CNGA4: variants seen among roughly 807,000 people sequenced by gnomAD.
CNGA4 encodes cyclic nucleotide gated channel subunit alpha 4.
Under a neutral mutation model 45.6 loss-of-function variants are expected in CNGA4, and 32 were observed. The ratio of observed to expected loss-of-function variants is 0.70; its 90% CI spans 0.53 to 0.94. The LOEUF (loss-of-function observed/expected upper bound fraction) is 0.94, where lower values mean the gene tolerates loss of function less well. Ranked by LOEUF, CNGA4 falls within the 40% of genes least tolerant of loss-of-function variation. The pLI, the probability that CNGA4 is intolerant of heterozygous loss-of-function variation, is 0.00. For synonymous variants in CNGA4, 293 were observed against 304.6 expected (o/e 0.96, Z 0.40); for missense variants, 726 against 755.1 (o/e 0.96, Z 0.45).
chr11:6,240,032 G>A lies in CNGA4; in HGVS notation c.272-34G>A, dbSNP rs1306048411. 1 of 1,574,316 alleles carries A rather than the reference G, an allele frequency of 6.4e-7. No homozygotes were observed. The highest frequency in any genetic ancestry group is 8.6e-7 in the Non-Finnish European group (1 of 1,159,792). ...CATGCTCAGCCCAAGCTTGACTACA[G>A]CAGGTCCGCTTCCTACCGGCTCCCT... On this transcript the variant is annotated intron_variant, in intron 3 of 5. Transcript: ENST00000379936. The surrounding 1 kb of genome is among the most constrained non-coding windows in gnomAD (Gnocchi z 4.9).
At chr11:6,239,917 C>A in intron 3 of CNGA4, 127 bp downstream of exon 3, 2 of 1,337,342 alleles carry the variant, frequency 1.5e-6, no homozygotes, top group East Asian at 2.4e-5. Flanking sequence ...CTGACAGCAT[C>A]CCAGTGCTCA....
intron 5 of CNGA4, 47 bp downstream of exon 5, chr11:6,241,827 G>A (rs137959615): frequency 2.6e-6 from 4 of 1,565,974 alleles, no homozygotes; most frequent in South Asian, 2.2e-5. Flanking sequence ...GGTGGGGTAG[G>A]GGGGAACAGC....
At chr11:6,238,538 G>C (rs1400434084), upstream of CNGA4, among the ~76,000 whole-genome samples, 1 of 152,210 alleles carries the variant, frequency 6.6e-6, no homozygotes, top group Non-Finnish European at 1.5e-5. Context: ...TCAGGCACTA[G>C]AAGTCACAAG....
chr11:6,241,885 T>C, intron 5 of CNGA4, 105 bp downstream of exon 5: 1 of 1,027,764 alleles, frequency 9.7e-7, no homozygotes, highest in South Asian at 1.4e-5. Context: ...AAACTTCTGA[T>C]TGAGGAAACC....
At chr11:6,242,375 C>G (rs1416106937) in intron 5 of CNGA4, among the ~76,000 whole-genome samples, 2 of 152,148 alleles carry the variant, frequency 1.3e-5, no homozygotes, top group African/African-American at 2.4e-5. Context: ...AAGCCAGGTA[C>G]TACCTACTGG....
In CNGA4 at chr11:6,240,893, T is replaced by G. The variant is rs558966624; in HGVS notation, c.917+182T>G. Among the ~76,000 whole-genome samples the G allele has an allele frequency of 1.3e-5, 2 of 152,110 alleles. No homozygotes were observed. Among genetic ancestry groups the G allele is most frequent in the Non-Finnish European group, 2.9e-5 (2 of 67,978 alleles). On this transcript the variant is annotated intron_variant, in intron 4 of 5. Transcript: ENST00000379936. This position sits in a 1 kb window ranked among gnomAD's most constrained non-coding sequence, Gnocchi z 4.9. ...TTCTTTCAACTGAGGGAATCAGGAC[T>G]TGGGGGAGGGGTAGGTAAGAGACTG...
chr11:6,235,465 C>T (rs757056919), upstream of CNGA4: 1 of 984,990 alleles, frequency 1.0e-6, no homozygotes, highest in African/African-American at 1.7e-5. Context: ...ACTACGGGGG[C>T]CACCTAGGAG....
In CNGA4 at chr11:6,241,485, G is replaced by A. The variant is rs7129498; in HGVS notation, c.972G>A (p.Gln324=). Residue 324 remains glutamine, a synonymous_variant, in exon 5 of 6, where the codon CAG becomes CAA. Transcript: ENST00000379936. ...TGACCAACGAGGTAGCCATCTTACA[G>A]CACTTGCCTGAGCGGCTGCGGGCAG... The part of the protein sequence containing the change: ...KKMTNEVAIL[Q]HLPERLRAEV... 296,674 of 1,610,456 alleles carry A rather than the reference G, an allele frequency of 0.18. 30,341 individuals carry two copies. Among genetic ancestry groups the A allele is most frequent in the African/African-American group, 0.41 (30,567 of 74,900 alleles).
rs757373690 is a variant in CNGA4, at chr11:6,241,751, T to G, written c.1238T>G (p.Phe413Cys). 1 of 1,614,078 alleles carries G rather than the reference T, an allele frequency of 6.2e-7. No individual in the cohort carries two copies. Among genetic ancestry groups the G allele is most frequent in the Non-Finnish European group, 8.5e-7 (1 of 1,180,008 alleles). Residue 413 changes from phenylalanine (F) to cysteine (C), a missense_variant, in exon 5 of 6, where the codon TTT (phenylalanine) becomes TGT (cysteine). By Grantham distance (205) the Phe-to-Cys change is radical. Transcript: ENST00000379936. ...QYAVLGAGLY[F>C]GEISIINIKG... is the part of the protein sequence containing the mutation. ...GCTGTGCTCGGTGCAGGGCTCTACT[T>G]TGGGGAGATCAGCATCATCAACATC... is the stretch of plus-strand genomic sequence containing the variant.
upstream of CNGA4, among the ~76,000 whole-genome samples, chr11:6,236,524 A>G (rs1847841458): frequency 6.6e-6 from 1 of 152,252 alleles, no homozygotes; most frequent in Admixed American, 6.5e-5. Flanking sequence ...AGGAAGAATT[A>G]AAAACTAATG....
Position 6,241,680 on chromosome 11 carries a change from A to T in CNGA4, c.1167A>T (p.Arg389=). ...TTGGCCAAGAGATGTACATCATCCG[A>T]GAGGGTCAACTGGCCGTGGTGGCAG... ...GDIGQEMYII[R]EGQLAVVADD... The change falls in exon 5 of 6, where the codon CGA becomes CGT. Residue 389 remains arginine (R), a synonymous_variant. Transcript: ENST00000379936. 6.2e-7 allele frequency: 1 copy of T among 1,614,184 alleles called. No individual in the cohort carries two copies. Among genetic ancestry groups the T allele is most frequent in the Non-Finnish European group, 8.5e-7 (1 of 1,180,042 alleles).
intron 5 of CNGA4, among the ~76,000 whole-genome samples, chr11:6,242,409 C>T (rs542570535): frequency 6.6e-6 from 1 of 152,210 alleles, no homozygotes; most frequent in East Asian, 1.9e-4. Context: ...CTCATCAGCC[C>T]TGTGCAGTAG....
intron 5 of CNGA4, 46 bp downstream of exon 5, chr11:6,241,826 G>A: frequency 1.9e-6 from 3 of 1,559,300 alleles, no homozygotes; most frequent in Non-Finnish European, 2.7e-6. Flanking sequence ...GGGTGGGGTA[G>A]GGGGGAACAG....
intron 5 of CNGA4, 80 bp downstream of exon 5, chr11:6,241,860 T>G (rs773595466): frequency 1.1e-5 from 14 of 1,317,890 alleles, no homozygotes; most frequent in Admixed American, 8.9e-5. Flanking sequence ...TGGGACCAGA[T>G]AGTACTTCAG....
upstream of CNGA4, among the ~76,000 whole-genome samples, chr11:6,235,169 G>A (rs1847812261): frequency 6.6e-6 from 1 of 152,168 alleles, no homozygotes; most frequent in Non-Finnish European, 1.5e-5. Context: ...TCAGTAGGTG[G>A]GCCGGGCCTG....
intron 5 of CNGA4, 91 bp downstream of exon 5, chr11:6,241,871 G>C: frequency 1.7e-6 from 2 of 1,193,922 alleles, no homozygotes; most frequent in Admixed American, 1.9e-5. Flanking sequence ...AGTACTTCAG[G>C]CCTAAACTTC....
Position 6,240,856 on chromosome 11 carries a change from G to GAAAAAAAAAAAA in CNGA4, c.917+150_917+151insAAAAAAAAAAAA. The GAAAAAAAAAAAA allele has an allele frequency of 1.0e-6, 1 of 989,906 alleles. No homozygotes were observed. The allele number at this position is 989,906 out of a possible 1,614,324, so 61.3% of individuals were successfully genotyped here. A position where few individuals can be genotyped will look rare whatever the true frequency, so the allele number is the denominator to read the frequency against. On this transcript the variant is annotated intron_variant, in intron 4 of 5. Transcript: ENST00000379936. The surrounding 1 kb of genome is among the most constrained non-coding windows in gnomAD (Gnocchi z 4.9). Reference sequence around the variant, plus strand: ...CCGTGGGTTTGCTGGCTGGGGCTTGGAAAAAGGGAACTTCTTTCAACTGAG... The same window carrying GAAAAAAAAAAAA: ...CCGTGGGTTTGCTGGCTGGGGCTTGGAAAAAAAAAAAAAAAAAGGGAACTTCTTTCAACTGAG...
rs373581473 is a variant in CNGA4, at chr11:6,244,308, G to A, written c.1627G>A (p.Glu543Lys). The A allele has an allele frequency of 4.3e-5, 70 of 1,614,092 alleles. No homozygotes were observed. Among genetic ancestry groups the A allele is most frequent in the Middle Eastern group, 3.3e-4 (2 of 6,062 alleles). ...EWQTREWPMP[E>K]DLAEADDEGE... is the part of the protein sequence containing the mutation. ...GCAGACTCGAGAGTGGCCAATGCCCGAGGACCTGGCTGAGGCTGATGACGA... is the reference window on the plus strand; with the variant it reads ...GCAGACTCGAGAGTGGCCAATGCCCAAGGACCTGGCTGAGGCTGATGACGA... Residue 543 changes from glutamate (E) to lysine (K), a missense_variant, in exon 6 of 6, where the codon GAG becomes AAG. Physicochemically the swap from Glu to Lys is moderately conservative, Grantham distance 56 (BLOSUM62 1). Transcript: ENST00000379936. The surrounding 1 kb of genome is among the most constrained non-coding windows in gnomAD (Gnocchi z 4.5).
intron 3 of CNGA4, 67 bp downstream of exon 3, chr11:6,239,857 TAACAAGA>T (rs1405456372): frequency 1.3e-6 from 2 of 1,507,914 alleles, no homozygotes; most frequent in East Asian, 4.7e-5. Flanking sequence ...ACTTAAGAAG[TAACAAGA>T]AAGGCACCCC....
Sources: allele counts gnomAD v4.1 joint callset (sites outside exome capture counted in the v4.1 genomes callset), GRCh38; gene constraint gnomAD v4.1.1; non-coding constraint Gnocchi (gnomAD v3.1); transcripts MANE v1.5; gene names NCBI Gene and HGNC (gene_info 2026-07-23, HGNC 2026-07-21).